Variants in ERC2 observed in about 807,000 individuals in gnomAD.
ERC2 encodes the protein ERC protein 2.
ERC2 carries 42 observed loss-of-function variants against 114.8 expected under a neutral mutation model. The observed-to-expected ratio is 0.37, with a 90% confidence interval of 0.29 to 0.47. The LOEUF is 0.47. ERC2 is among the 20% of genes least tolerant of loss of function. The pLI is 0.99. For synonymous variants in ERC2, 454 were observed against 425.5 expected, an observed-to-expected ratio of 1.07 and a Z score of -0.82; for missense variants, 939 against 1,150.7, an observed-to-expected ratio of 0.82 and a Z score of 2.66.
chr3:56,089,137 G>A (rs1358149818), intron 6 of ERC2, among the ~76,000 whole-genome samples: 1 of 152,038 alleles, frequency 6.6e-6, no homozygotes, highest in African/African-American at 2.4e-5. Context: ...TACCCAACTG[G>A]GAATAAGTCC....
chr3:55,542,307 A>C (rs1054396783), intron 17 of ERC2, among the ~76,000 whole-genome samples: 1 of 152,202 alleles, frequency 6.6e-6, no homozygotes, highest in Non-Finnish European at 1.5e-5. Context: ...CAAGATGGTA[A>C]ATACATCTCA....
chr3:55,663,963 G>A (rs1213470320), intron 17 of ERC2, among the ~76,000 whole-genome samples: 1 of 152,156 alleles, frequency 6.6e-6, no homozygotes, highest in Non-Finnish European at 1.5e-5. Flanking sequence ...GCGCTTGTTT[G>A]TAAATTGTAC....
intron 13 of ERC2, among the ~76,000 whole-genome samples, chr3:55,936,188 C>T (rs2149413280): frequency 6.6e-6 from 1 of 152,320 alleles, no homozygotes; most frequent in South Asian, 2.1e-4. Flanking sequence ...TCTCTTCCCT[C>T]ACAGATACAG....
intron 17 of ERC2, among the ~76,000 whole-genome samples, chr3:55,584,071 T>C (rs2057466091): frequency 6.6e-6 from 1 of 152,174 alleles, no homozygotes; most frequent in Admixed American, 6.5e-5. Context: ...ACATGGAAAG[T>C]GCTTGTTGAA....
chr3:56,005,662 T>C (rs1009968114), intron 10 of ERC2, among the ~76,000 whole-genome samples: 1 of 152,074 alleles, frequency 6.6e-6, no homozygotes, highest in Admixed American at 6.6e-5. Flanking sequence ...ACATCTTTCA[T>C]GCCCAGGTCT....
At chr3:56,112,401 A>G (rs977951242) in intron 6 of ERC2, among the ~76,000 whole-genome samples, 3 of 138,510 alleles carry the variant, frequency 2.2e-5, no homozygotes, top group African/African-American at 8.3e-5. Context: ...TCAACAGAGA[A>G]TAACAAACCT....
At chr3:56,015,415 T>C (rs2073238271) in intron 8 of ERC2, among the ~76,000 whole-genome samples, 1 of 145,578 alleles carries the variant, frequency 6.9e-6, no homozygotes, top group South Asian at 2.4e-4. Flanking sequence ...CCTGTGTCCA[T>C]GTGTTCACAT....
intron 14 of ERC2, among the ~76,000 whole-genome samples, chr3:55,854,506 C>T (rs34989245): frequency 0.081 from 12,385 of 152,234 alleles, 657 homozygotes; most frequent in Non-Finnish European, 0.12. Context: ...GAGACAACCG[C>T]GGCTCTGGGG....
chr3:56,444,001 C>A (rs538165895), intron 1 of ERC2, among the ~76,000 whole-genome samples: 4 of 130,114 alleles, frequency 3.1e-5, no homozygotes, highest in Non-Finnish European at 6.2e-5. Flanking sequence ...CTCACTGTGT[C>A]GCCCAGGCTG....
At chr3:55,854,271 T>A (rs2061694490) in intron 14 of ERC2, among the ~76,000 whole-genome samples, 1 of 152,166 alleles carries the variant, frequency 6.6e-6, no homozygotes, top group African/African-American at 2.4e-5. Flanking sequence ...TGAGACTCCA[T>A]CCCAGGGGAA....
intron 13 of ERC2, among the ~76,000 whole-genome samples, chr3:55,917,334 C>A (rs1010955873): frequency 2.6e-5 from 4 of 152,012 alleles, no homozygotes; most frequent in African/African-American, 4.8e-5. Context: ...CAGAAACAAC[C>A]CAAATGTCAT....
chr3:55,788,431 G>A (rs1022981054), intron 14 of ERC2, among the ~76,000 whole-genome samples: 2 of 152,144 alleles, frequency 1.3e-5, no homozygotes, highest in African/African-American at 4.8e-5. Flanking sequence ...TACAATGGGA[G>A]GACAACAGGC....
Position 56,175,111 on chromosome 3 carries a change from T to C in ERC2, c.1075-1591A>G, listed in dbSNP as rs985071253. 3.3e-5 allele frequency among the ~76,000 whole-genome samples: 5 copies of C among 152,212 alleles called. 1 individual carries two copies. Among genetic ancestry groups the C allele is most frequent in the Admixed American group, 2.6e-4 (4 of 15,276 alleles). On this transcript the variant is annotated intron_variant, in intron 3 of 17. Coordinates refer to ENST00000288221, the MANE Select transcript of ERC2 (RefSeq NM_015576.3). ...CCCACATCCTATTATGCTGTTCTTA[T>C]TATATTTGCCAGTGGCCCAAGAAAT...
intron 1 of ERC2, among the ~76,000 whole-genome samples, chr3:56,456,372 T>C (rs1009761366): frequency 6.6e-6 from 1 of 152,252 alleles, no homozygotes; most frequent in Non-Finnish European, 1.5e-5. Flanking sequence ...ATCCAATTTC[T>C]GTCTCTTGCT....
intron 14 of ERC2, among the ~76,000 whole-genome samples, chr3:55,747,419 T>A (rs1053849565): frequency 6.6e-6 from 1 of 152,094 alleles, no homozygotes; most frequent in Non-Finnish European, 1.5e-5. Flanking sequence ...CAGAATAAAA[T>A]AGATTGTCAA....
intron 2 of ERC2, among the ~76,000 whole-genome samples, chr3:56,378,712 G>C (rs1016586229): frequency 1.3e-5 from 2 of 152,090 alleles, no homozygotes; most frequent in Non-Finnish European, 2.9e-5. Flanking sequence ...CCCAAGTTTA[G>C]AATGTCACCA....
intron 14 of ERC2, among the ~76,000 whole-genome samples, chr3:55,834,577 A>C (rs1295739920): frequency 1.3e-5 from 2 of 151,884 alleles, no homozygotes; most frequent in African/African-American, 2.4e-5. Context: ...ACAAAGACAC[A>C]ACATACAAGA....
intron 3 of ERC2, among the ~76,000 whole-genome samples, chr3:56,198,038 C>T (rs896186281): frequency 2.6e-5 from 4 of 152,160 alleles, no homozygotes; most frequent in African/African-American, 9.7e-5. Flanking sequence ...CACACACACA[C>T]ATGTTGCATG....
At chr3:56,434,124 C>A in intron 2 of ERC2, 3 of 508,380 alleles carry the variant, frequency 5.9e-6, no homozygotes, top group Non-Finnish European at 1.0e-5. Context: ...CCACCCCTCT[C>A]CCCATCTGCA....
Sources: gnomAD v4.1 joint callset for allele counts (sites outside exome capture counted in the v4.1 genomes callset) on GRCh38, gnomAD v4.1.1 for gene constraint, MANE v1.5 for transcripts, NCBI Gene and HGNC (gene_info 2026-07-23, HGNC 2026-07-21) for gene names.